NCKAP5L: variants seen among roughly 807,000 people sequenced by gnomAD.
NCKAP5L encodes NCK associated protein 5 like.
Under a neutral mutation model 103.2 loss-of-function variants are expected in NCKAP5L, and 54 were observed. The ratio of observed to expected loss-of-function variants is 0.52; its 90% CI spans 0.42 to 0.66. The LOEUF is 0.66. Ranked by LOEUF, NCKAP5L falls within the 30% of genes least tolerant of loss-of-function variation. The pLI, the probability that NCKAP5L is intolerant of heterozygous loss-of-function variation, is 0.00. For missense variants in NCKAP5L, 1,733 were observed against 1,750.6 expected (o/e 0.99, Z 0.18); for synonymous variants, 762 against 748.6 (o/e 1.02, Z -0.29).
At chr12:49,815,798 CT>C (rs201303753) in intron 1 of NCKAP5L, among the ~76,000 whole-genome samples, 3,198 of 151,560 alleles carry the variant, frequency 0.021, 92 homozygotes, top group East Asian at 0.14. Context: ...CCAGTGCTTC[CT>C]TTTTTTTTAA....
chr12:49,821,776 A>G (rs1466603722), intron 1 of NCKAP5L, among the ~76,000 whole-genome samples: 3 of 152,244 alleles, frequency 2.0e-5, no homozygotes, highest in Admixed American at 6.5e-5. Flanking sequence ...TAAATTCTAA[A>G]TAATCTGCTG....
In NCKAP5L at chr12:49,792,669, G is replaced by A; in HGVS notation, c.3649+9C>T. 6.2e-7 allele frequency: 1 copy of A among 1,612,976 alleles called. No homozygotes were observed. Among genetic ancestry groups the A allele is most frequent in the Non-Finnish European group, 8.5e-7 (1 of 1,179,544 alleles). On this transcript the variant is annotated intron_variant, in intron 11 of 12. Coordinates refer to ENST00000335999, the MANE Select transcript of NCKAP5L (RefSeq NM_001037806.4). This position sits in a 1 kb window ranked among gnomAD's most constrained non-coding sequence, Gnocchi z 4.5. ...CAGGGGCATCCCACCCTCCCACCTGGACACTCACCATCAGGACAGGTCTCA... is the reference window on the plus strand; with the variant it reads ...CAGGGGCATCCCACCCTCCCACCTGAACACTCACCATCAGGACAGGTCTCA...
intron 1 of NCKAP5L, among the ~76,000 whole-genome samples, chr12:49,821,986 T>C (rs1168471903): frequency 5.3e-5 from 8 of 152,180 alleles, no homozygotes; most frequent in Admixed American, 5.2e-4. Flanking sequence ...ATCCACATGT[T>C]GAAATCCTAA....
rs867975717 is a variant in NCKAP5L, at chr12:49,797,085, G to A, written c.775C>T (p.Arg259Cys). 1.7e-5 allele frequency: 27 copies of A among 1,583,314 alleles called. No individual in the cohort carries two copies. Among genetic ancestry groups the A allele is most frequent in the Middle Eastern group, 1.7e-4 (1 of 5,806 alleles). The change falls in exon 8 of 13, where the codon CGC becomes TGC. Residue 259 changes from arginine (R) to cysteine (C), a missense_variant. Transcript: ENST00000335999. This position sits in a 1 kb window ranked among gnomAD's most constrained non-coding sequence, Gnocchi z 4.5. ...TCCCCTCCCAGACCCCCCAAGAGGC[G>A]CTCCCAGTGCAGCAGGCCTCCCAGG... ...GNLGGLLHWE[R>C]LLGGLGGEED...
chr12:49,804,868 C>A (rs934620943), intron 2 of NCKAP5L: 2 of 152,260 alleles, frequency 1.3e-5, no homozygotes, highest in African/African-American at 4.8e-5. Context: ...TGGGGCCTGG[C>A]GCCCTTAGCT....
At chr12:49,813,323 G>A (rs1946261769) in intron 1 of NCKAP5L, among the ~76,000 whole-genome samples, 1 of 152,198 alleles carries the variant, frequency 6.6e-6, no homozygotes, top group Non-Finnish European at 1.5e-5. Context: ...TTGATCTGCT[G>A]ATTCCAGCCA....
At chr12:49,800,734 G>C (rs760564691) in intron 6 of NCKAP5L, among the ~76,000 whole-genome samples, 1 of 152,202 alleles carries the variant, frequency 6.6e-6, no homozygotes, top group Admixed American at 6.5e-5. Context: ...GCCAAGCTTC[G>C]TGCTCTTTCC....
chr12:49,793,511 T>C (rs1012015344), intron 9 of NCKAP5L, 78 bp from the exon 10 acceptor site: 11 of 1,466,458 alleles, frequency 7.5e-6, no homozygotes, highest in Non-Finnish European at 1.0e-5. Flanking sequence ...AGGGTGGGAA[T>C]GTGTCTGTAA....
At chr12:49,801,125 C>T (rs1946113477) in intron 6 of NCKAP5L, among the ~76,000 whole-genome samples, 1 of 152,190 alleles carries the variant, frequency 6.6e-6, no homozygotes, top group African/African-American at 2.4e-5. Flanking sequence ...CAAGAGCTGC[C>T]CAGTTTGCCT....
chr12:49,793,882 T>C lies in NCKAP5L; in HGVS notation c.3110A>G (p.Glu1037Gly). The C allele has an allele frequency of 6.4e-7, 1 of 1,553,416 alleles. No homozygotes were observed. Among genetic ancestry groups the C allele is most frequent in the Non-Finnish European group, 8.7e-7 (1 of 1,150,338 alleles). The change falls in exon 9 of 13, where the codon GAG becomes GGG. Residue 1037 changes from glutamate (E) to glycine (G), a missense_variant. Transcript: ENST00000335999. ...CTCCCGCCAGCTCTTGGATGGCAGC[T>C]CCTTGCCATCCACCCTATGGGCAAC... ...QQLLNRVDGK[E>G]LPSKSWREPK...
chr12:49,796,875 C>T lies in NCKAP5L; in HGVS notation c.985G>A (p.Gly329Ser), dbSNP rs751378333. ...GACTCTGTGTCCTCAAGGAGCTGGC[C>T]CAGGTTCAACTGTCTGCGGGCCAGG... ...GALARRQLNL[G>S]QLLEDTESYL... is the part of the protein sequence containing the mutation. Residue 329 changes from glycine to serine, a missense_variant, in exon 8 of 13, where the codon GGC (glycine) becomes AGC (serine). Gly to Ser is a moderately conservative substitution (Grantham distance 56). Coordinates refer to ENST00000335999, the MANE Select transcript of NCKAP5L (RefSeq NM_001037806.4). 5 of 1,612,384 alleles carry T rather than the reference C, an allele frequency of 3.1e-6. No individual in the cohort carries two copies. Among genetic ancestry groups the T allele is most frequent in the Non-Finnish European group, 4.2e-6 (5 of 1,179,582 alleles).
chr12:49,793,062 A>G, intron 10 of NCKAP5L, 76 bp from the exon 11 acceptor site: 1 of 1,207,088 alleles, frequency 8.3e-7, no homozygotes, highest in Non-Finnish European at 1.1e-6. Context: ...CTTCCCGCCC[A>G]GCCCAGGCTC....
In NCKAP5L at chr12:49,792,572, T is replaced by C; in HGVS notation, c.3666A>G (p.Pro1222=). The change falls in exon 12 of 13, where the codon CCA becomes CCG. Residue 1222 remains proline (P), a synonymous_variant. Transcript: ENST00000335999. The surrounding 1 kb of genome is among the most constrained non-coding windows in gnomAD (Gnocchi z 4.5). Reference sequence around the variant, plus strand: ...CCAGCTGGACAGGAGGGGTGGGGCCTGGGTCTTCACAGGGATCTGTCCAGG... The same window carrying C: ...CCAGCTGGACAGGAGGGGTGGGGCCCGGGTCTTCACAGGGATCTGTCCAGG... ...ETCPDDPCED[P]GPTPPVQLAK... 6.2e-7 allele frequency: 1 copy of C among 1,613,590 alleles called. No homozygotes were observed. The highest frequency in any genetic ancestry group is 8.5e-7 in the Non-Finnish European group (1 of 1,179,782).
intron 1 of NCKAP5L, among the ~76,000 whole-genome samples, chr12:49,821,768 A>T (rs1471839822): frequency 6.6e-6 from 1 of 152,218 alleles, no homozygotes; most frequent in Admixed American, 6.5e-5. Context: ...GCACACAGTA[A>T]ATTCTAAATA....
Position 49,795,031 on chromosome 12 carries a change from C to G in NCKAP5L, c.2829G>C (p.Gly943=), listed in dbSNP as rs1592747278. The change falls in exon 8 of 13, where the codon GGG becomes GGC. Residue 943 remains glycine, a synonymous_variant. Transcript: ENST00000335999. ...RRTEATKNKE[G]AGGGSPLRRE... Reference sequence around the variant, plus strand: ...TCCGGAGCGGGGAGCCCCCGCCAGCCCCCTCCTTGTTCTTGGTGGCCTCTG... The same window carrying G: ...TCCGGAGCGGGGAGCCCCCGCCAGCGCCCTCCTTGTTCTTGGTGGCCTCTG... 2 of 1,608,954 alleles carry G rather than the reference C, an allele frequency of 1.2e-6. No individual in the cohort carries two copies. Among genetic ancestry groups the G allele is most frequent in the Admixed American group, 1.7e-5 (1 of 59,272 alleles).
intron 6 of NCKAP5L, among the ~76,000 whole-genome samples, chr12:49,800,778 T>C (rs1257738975): frequency 6.6e-6 from 1 of 152,240 alleles, no homozygotes; most frequent in Non-Finnish European, 1.5e-5. Context: ...AAGATAAATC[T>C]ATTGGCCCAA....
chr12:49,803,286 A>G, intron 3 of NCKAP5L, 121 bp from the exon 4 acceptor site: 1 of 903,752 alleles, frequency 1.1e-6, no homozygotes, highest in Admixed American at 2.2e-5. Context: ...CCCCCACTCC[A>G]GCTCTTGGCT....
At chr12:49,815,561 C>T (rs1419410575) in intron 1 of NCKAP5L, among the ~76,000 whole-genome samples, 1 of 152,256 alleles carries the variant, frequency 6.6e-6, no homozygotes, top group East Asian at 1.9e-4. Context: ...GTTGCCCAGG[C>T]TGGAGTGCAA....
At chr12:49,820,312 CCTTT>C (rs1693592184) in intron 1 of NCKAP5L, among the ~76,000 whole-genome samples, 1 of 145,494 alleles carries the variant, frequency 6.9e-6, no homozygotes, top group African/African-American at 2.6e-5. Context: ...TATCTCCTGG[CCTTT>C]TTTTTTTTTT....
Sources: allele counts gnomAD v4.1 joint callset (sites outside exome capture counted in the v4.1 genomes callset), GRCh38; gene constraint gnomAD v4.1.1; non-coding constraint Gnocchi (gnomAD v3.1); transcripts MANE v1.5; gene names NCBI Gene and HGNC (gene_info 2026-07-23, HGNC 2026-07-21).